The following CLEC4F variants were observed in gnomAD, a reference collection of about 807,000 sequenced individuals.
CLEC4F encodes C-type (calcium dependent, carbohydrate-recognition domain) lectin, superfamily member 13.
A neutral mutation model predicts 53.4 loss-of-function variants in CLEC4F; 45 were observed. The observed-to-expected ratio is 0.84, with a 90% CI of 0.66 to 1.08. The LOEUF is 1.08. Among genes scored for constraint, CLEC4F ranks in the 50% least tolerant of loss-of-function variants. The probability of loss-of-function intolerance (pLI) is 0.00; values close to 1 mark genes in which losing one functional copy is unlikely to be tolerated. For missense variants in CLEC4F, 753 were observed against 698.2 expected (o/e 1.08, Z -0.88); for synonymous variants, 245 against 257.5 (o/e 0.95, Z 0.46).
At chr2:70,820,174 G>A (rs1677158886) in intron 1 of CLEC4F, among the ~76,000 whole-genome samples, 1 of 152,190 alleles carries the variant, frequency 6.6e-6, no homozygotes, top group African/African-American at 2.4e-5. Flanking sequence ...GTGGTGCACA[G>A]GGCACAGAAC....
At chr2:70,817,965 C>T (rs1677022683) in intron 3 of CLEC4F, among the ~76,000 whole-genome samples, 1 of 152,220 alleles carries the variant, frequency 6.6e-6, no homozygotes, top group Non-Finnish European at 1.5e-5. Flanking sequence ...ATGCATCTAC[C>T]TCTGGTCCTG....
chr2:70,815,694 A>C (rs72835796), intron 4 of CLEC4F, among the ~76,000 whole-genome samples: 2,878 of 152,304 alleles, frequency 0.019, 36 homozygotes, highest in Middle Eastern at 0.027. Context: ...TTGGGGTATC[A>C]GGAAGTCAGA....
chr2:70,809,409 G>A, intron 6 of CLEC4F, 27 bp from the exon 7 acceptor site: 1 of 1,577,044 alleles, frequency 6.3e-7, no homozygotes. Context: ...GAAAAAAACA[G>A]AAAGACCCAC....
intron 4 of CLEC4F, among the ~76,000 whole-genome samples, chr2:70,813,645 C>CTTTCTTTCTT (rs1676735910): frequency 1.8e-4 from 3 of 16,628 alleles, no homozygotes; most frequent in Non-Finnish European, 2.5e-4. Context: ...CTTTCTTTCG[C>CTTTCTTTCTT]TCTCTCTCTT....
upstream of CLEC4F, among the ~76,000 whole-genome samples, chr2:70,821,279 C>A (rs1677210004): frequency 6.6e-6 from 1 of 152,006 alleles, no homozygotes; most frequent in Non-Finnish European, 1.5e-5. Context: ...CATAATAAGC[C>A]CCTTAGGACT....
Position 70,819,699 on chromosome 2 carries a change from G to A in CLEC4F, c.178+76C>T. On this transcript the variant is annotated intron_variant, in intron 2 of 6. Coordinates refer to ENST00000272367, the MANE Select transcript of CLEC4F (RefSeq NM_173535.3). ...CTGGGAGCAGAGAGGCCCAGAGAGT[G>A]TGCATCTGGGGCCCCTGGGGACTTT... 3.9e-6 allele frequency: 4 copies of A among 1,018,856 alleles called. No homozygotes were observed. In the Admixed American group the frequency reaches 8.5e-5, roughly 22 times the overall value. 63.1% of individuals were successfully genotyped at this position (1,018,856 alleles called of 1,614,324 possible).
intron 3 of CLEC4F, among the ~76,000 whole-genome samples, chr2:70,817,425 G>A (rs114128600): frequency 1.3e-3 from 198 of 152,278 alleles, no homozygotes; most frequent in Middle Eastern, 3.4e-3. Flanking sequence ...TTATTTTGTC[G>A]TTATAATTGC....
intron 4 of CLEC4F, among the ~76,000 whole-genome samples, chr2:70,813,535 CTTTT>C (rs1200669131): frequency 0.014 from 1,314 of 92,902 alleles, 30 homozygotes; most frequent in African/African-American, 0.043. Context: ...TTCTTTCTTT[CTTTT>C]TTTCTTTCTT....
At chr2:70,811,652 G>A (rs1486702173) in intron 5 of CLEC4F, among the ~76,000 whole-genome samples, 1 of 152,152 alleles carries the variant, frequency 6.6e-6, no homozygotes, top group Non-Finnish European at 1.5e-5. Context: ...TTCTGATAAG[G>A]ACCACGACAG....
At chr2:70,817,146 G>A (rs1676969688) in intron 3 of CLEC4F, 34 bp from the exon 4 acceptor site, 1 of 1,585,560 alleles carries the variant, frequency 6.3e-7, no homozygotes, top group Non-Finnish European at 8.5e-7. Flanking sequence ...CAGCCAAAGA[G>A]GCCCATTATG....
In CLEC4F at chr2:70,808,997, T is replaced by TC; in HGVS notation, c.*273dup. On this transcript the variant is annotated 3_prime_UTR_variant, in exon 7 of 7. Transcript: ENST00000272367. ...TAGGGGGTGTCACAGGTCATGTCAT[T>TC]CCACTTCTGCTGAATTTGGACACAG... is the stretch of plus-strand genomic sequence containing the variant. 7.6e-7 allele frequency: 1 copy of TC among 1,320,508 alleles called. No homozygotes were observed. The highest frequency in any genetic ancestry group is 1.3e-5 in the South Asian group (1 of 78,594). 81.8% of individuals were successfully genotyped at this position (1,320,508 alleles called of 1,614,324 possible).
chr2:70,816,995 T>C lies in CLEC4F; in HGVS notation c.386A>G (p.Asp129Gly). 1 of 1,614,194 alleles carries C rather than the reference T, an allele frequency of 6.2e-7. No homozygotes were observed. The highest frequency in any genetic ancestry group is 8.5e-7 in the Non-Finnish European group (1 of 1,180,034). ...VEIQMLKCRV[D>G]NVNSQLQVLG... The stretch of plus-strand genomic sequence containing the variant: ...CACCTGGAGCTGCGAATTGACATTG[T>C]CCACTCTGCACTTCAACATCTGGAT... Residue 129 changes from aspartate to glycine, a missense_variant, in exon 4 of 7, where the codon GAC becomes GGC. Physicochemically the swap from Asp to Gly is moderately conservative, Grantham distance 94 (BLOSUM62 -1). Transcript: ENST00000272367.
intron 4 of CLEC4F, among the ~76,000 whole-genome samples, chr2:70,815,074 C>T (rs1553395448): frequency 1.3e-5 from 2 of 152,162 alleles, no homozygotes; most frequent in East Asian, 1.9e-4. Flanking sequence ...TCACTGCTGC[C>T]CACCAAGCCC....
chr2:70,812,188 C>T (rs1676606191), intron 5 of CLEC4F, among the ~76,000 whole-genome samples: 1 of 152,158 alleles, frequency 6.6e-6, no homozygotes, highest in Non-Finnish European at 1.5e-5. Context: ...CCTGATGCCA[C>T]CTCCCCTTGG....
chr2:70,814,056 G>T (rs544967809), intron 4 of CLEC4F, among the ~76,000 whole-genome samples: 17 of 152,294 alleles, frequency 1.1e-4, no homozygotes, highest in African/African-American at 4.1e-4. Context: ...GCAGGGAAAA[G>T]GATCAGCACA....
intron 4 of CLEC4F, among the ~76,000 whole-genome samples, chr2:70,815,731 A>G (rs1553395590): frequency 1.3e-5 from 2 of 152,192 alleles, no homozygotes; most frequent in African/African-American, 2.4e-5. Context: ...CCACTAGCCC[A>G]TGCCGTCCTT....
At position 70,816,374 on chromosome 2, in the gene CLEC4F, C is replaced by A; in HGVS notation, c.1007G>T (p.Arg336Met). ...RAGDEIHVLK[R>M]DLKMVTAQTQ... ...CTGGGCTGTGACCATTTTCAAATCC[C>A]TTTTTAACACGTGAATTTCATCACC... The change falls in exon 4 of 7, where the codon AGG becomes ATG. Residue 336 changes from arginine to methionine, a missense_variant. By Grantham distance (91) the Arg-to-Met change is moderately conservative. Transcript: ENST00000272367. 6.2e-7 allele frequency: 1 copy of A among 1,613,926 alleles called. No homozygotes were observed. Among genetic ancestry groups the A allele is most frequent in the Admixed American group, 1.7e-5 (1 of 59,956 alleles).
rs889208565 is a variant in CLEC4F, at chr2:70,809,805, T to G, written c.1592A>C (p.Asp531Ala). The change falls in exon 6 of 7, where the codon GAC (aspartate) becomes GCC (alanine). Residue 531 changes from aspartate (D) to alanine (A), a missense_variant. Coordinates refer to ENST00000272367, the MANE Select transcript of CLEC4F (RefSeq NM_173535.3). ...GCGCCAGGAGCCCTCTGTGCCCCTG[T>G]CAGTGAGACCGATCCAGTAGTACAC... ...SKVYYWIGLT[D>A]RGTEGSWRWT... 6 of 1,614,084 alleles carry G rather than the reference T, an allele frequency of 3.7e-6. No individual in the cohort carries two copies. In the East Asian group the frequency reaches 1.3e-4, roughly 36 times the overall value.
chr2:70,816,118 G>A lies in CLEC4F; in HGVS notation c.1263C>T (p.Ile421=), dbSNP rs781924074. Residue 421 remains isoleucine, a synonymous_variant, in exon 4 of 7, where the codon ATC becomes ATT. Transcript: ENST00000272367. ...TCTCTAGATCCCCTCTTAACCTCTG[G>A]ATCTCGGCACTGGCCTTCTGCAGAT... ...DSNLQKASAE[I]QRLRGDLENT... 1 of 1,614,204 alleles carries A rather than the reference G, an allele frequency of 6.2e-7. No individual in the cohort carries two copies. The highest frequency in any genetic ancestry group is 1.1e-5 in the South Asian group (1 of 91,078).
Sources: allele counts gnomAD v4.1 joint callset (sites outside exome capture counted in the v4.1 genomes callset), GRCh38; gene constraint gnomAD v4.1.1; transcripts MANE v1.5; gene names NCBI Gene and HGNC (gene_info 2026-07-23, HGNC 2026-07-21).